Variants in GRAMD1B observed in about 807,000 individuals in gnomAD.
The protein encoded by GRAMD1B is protein Aster-B.
GRAMD1B carries 37 observed loss-of-function variants against 99.7 expected under a neutral mutation model. The ratio of observed to expected loss-of-function variants is 0.37; its 90% CI spans 0.29 to 0.49. The LOEUF (loss-of-function observed/expected upper bound fraction) is 0.49. Among genes scored for constraint, GRAMD1B ranks in the 20% least tolerant of loss-of-function variants. The pLI, the probability that GRAMD1B is intolerant of heterozygous loss-of-function variation, is 0.98. For missense variants in GRAMD1B, 888 were observed against 1,009.2 expected (o/e 0.88, Z 1.63); for synonymous variants, 427 against 387.6 (o/e 1.10, Z -1.19).
At chr11:123,505,848 C>G (rs1194772308) in intron 2 of GRAMD1B, among the ~76,000 whole-genome samples, 1 of 152,164 alleles carries the variant, frequency 6.6e-6, no homozygotes, top group Admixed American at 6.5e-5. Context: ...CTTCCTTCTT[C>G]TTTCTTTCTC....
intron 2 of GRAMD1B, among the ~76,000 whole-genome samples, chr11:123,532,576 A>T (rs1158457644): frequency 6.6e-6 from 1 of 152,254 alleles, no homozygotes; most frequent in Non-Finnish European, 1.5e-5. Context: ...TGTAGAATGA[A>T]GGCCATTATC....
At chr11:123,416,797 A>G (rs1202906929) in intron 1 of GRAMD1B, among the ~76,000 whole-genome samples, 1 of 152,050 alleles carries the variant, frequency 6.6e-6, no homozygotes, top group East Asian at 1.9e-4. Flanking sequence ...CTTTTTTTTT[A>G]GCATGTGCTA....
intron 1 of GRAMD1B, among the ~76,000 whole-genome samples, chr11:123,445,818 C>CA (rs36123733): frequency 0.58 from 54,337 of 93,974 alleles, 14,933 homozygotes; most frequent in African/African-American, 0.6. Flanking sequence ...CACTTGTCTC[C>CA]AAAAAAAAAA....
chr11:123,605,452 A>C lies in GRAMD1B; in HGVS notation c.1297A>C (p.Thr433Pro), dbSNP rs1479518380. Residue 433 changes from threonine (T) to proline (P), a missense_variant, in exon 10 of 20, where the codon ACA (threonine) becomes CCA (proline). Physicochemically the swap from Thr to Pro is conservative, Grantham distance 38. Coordinates refer to ENST00000635736, the MANE Select transcript of GRAMD1B (RefSeq NM_001387025.1). The stretch of plus-strand genomic sequence containing the variant: ...CATCACCAACAGCACACTAACATCC[A>C]CAGGGAGCAGTGAGGCCCCCGTCTC... ...KSITNSTLTSTGSSEAPVSFD... is the reference protein window; with the variant it reads ...KSITNSTLTSPGSSEAPVSFD... 1 of 1,612,702 alleles carries C rather than the reference A, an allele frequency of 6.2e-7. No homozygotes were observed.
intron 1 of GRAMD1B, among the ~76,000 whole-genome samples, chr11:123,469,711 CTTTCTTTCTTTCTTTT>C (rs770735873): frequency 6.7e-6 from 1 of 148,204 alleles, no homozygotes. Context: ...TCTTTCTTTT[CTTTCTTTCTTTCTTTT>C]TTTCTTTCTT....
At chr11:123,448,205 T>C (rs114326304) in intron 1 of GRAMD1B, among the ~76,000 whole-genome samples, 1,607 of 152,144 alleles carry the variant, frequency 0.011, 20 homozygotes, top group African/African-American at 0.037. Flanking sequence ...TTTCCTCCTT[T>C]TACCCTTTCT....
intron 1 of GRAMD1B, among the ~76,000 whole-genome samples, chr11:123,465,397 A>G (rs1378745799): frequency 3.3e-5 from 5 of 152,188 alleles, no homozygotes; most frequent in African/African-American, 9.6e-5. Context: ...CTTGAATTCT[A>G]TCAATCCAGT....
intron 2 of GRAMD1B, among the ~76,000 whole-genome samples, chr11:123,558,211 T>C (rs946603278): frequency 1.6e-4 from 24 of 152,036 alleles, no homozygotes; most frequent in African/African-American, 5.8e-4. Context: ...CTAAAACTCC[T>C]GAGCTCAAGT....
At position 123,578,147 on chromosome 11, in the gene GRAMD1B, A is replaced by AG. The variant is rs541676583; in HGVS notation, c.663+576dup. ...CATGGATATGCCTAAAATAGGCCCCAGGGGGGCCTGGGCTAATTATGGTTC... is the reference window on the plus strand; with the variant it reads ...CATGGATATGCCTAAAATAGGCCCCAGGGGGGGCCTGGGCTAATTATGGTTC... On this transcript the variant is annotated intron_variant, in intron 3 of 19. Transcript: ENST00000635736. 9.2e-5 allele frequency among the ~76,000 whole-genome samples: 14 copies of AG among 152,116 alleles called. No individual in the cohort carries two copies. In the East Asian group the frequency reaches 2.7e-3, roughly 30 times the overall value.
chr11:123,528,681 A>G (rs980203074), intron 2 of GRAMD1B, among the ~76,000 whole-genome samples: 1 of 152,038 alleles, frequency 6.6e-6, no homozygotes, highest in Non-Finnish European at 1.5e-5. Flanking sequence ...ATGCCGTGCT[A>G]GACACCGGCT....
At chr11:123,620,276 C>A (rs1290983679) in intron 19 of GRAMD1B, among the ~76,000 whole-genome samples, 2 of 152,042 alleles carry the variant, frequency 1.3e-5, no homozygotes, top group African/African-American at 4.8e-5. Flanking sequence ...GAGTTTGAAA[C>A]CGGCCTGGCC....
At chr11:123,496,209 A>T (rs1260292457) in intron 2 of GRAMD1B, among the ~76,000 whole-genome samples, 1 of 152,042 alleles carries the variant, frequency 6.6e-6, no homozygotes, top group South Asian at 2.1e-4. Flanking sequence ...TTGTGCTTAA[A>T]GGTTACTTTC....
chr11:123,616,053 G>A (rs1479586912), intron 17 of GRAMD1B, among the ~76,000 whole-genome samples: 1 of 152,206 alleles, frequency 6.6e-6, no homozygotes, highest in Non-Finnish European at 1.5e-5. Flanking sequence ...GCTGGGCGCG[G>A]TGGCTCACAC....
intron 2 of GRAMD1B, among the ~76,000 whole-genome samples, chr11:123,557,939 T>A (rs1469238875): frequency 6.6e-6 from 1 of 151,008 alleles, no homozygotes; most frequent in East Asian, 1.9e-4. Flanking sequence ...CCAACCCCTG[T>A]GTCTATGCCT....
intron 1 of GRAMD1B, among the ~76,000 whole-genome samples, chr11:123,457,029 T>C (rs1210291923): frequency 6.7e-6 from 1 of 150,270 alleles, no homozygotes; most frequent in Admixed American, 6.7e-5. Flanking sequence ...GGAGGATTGC[T>C]TAAGCCCAGG....
chr11:123,484,434 ACTC>A (rs1951775646), intron 2 of GRAMD1B, among the ~76,000 whole-genome samples: 2 of 151,842 alleles, frequency 1.3e-5, no homozygotes, highest in South Asian at 4.2e-4. Flanking sequence ...CTAACCACTC[ACTC>A]CTCCAACCAC....
chr11:123,395,467 C>G (rs1337408563), intron 1 of GRAMD1B, among the ~76,000 whole-genome samples: 1 of 152,098 alleles, frequency 6.6e-6, no homozygotes, highest in African/African-American at 2.4e-5. Context: ...TTAACAACAA[C>G]AACAACAACA....
chr11:123,588,441 A>G (rs1365043958), intron 4 of GRAMD1B, among the ~76,000 whole-genome samples: 1 of 152,076 alleles, frequency 6.6e-6, no homozygotes, highest in Non-Finnish European at 1.5e-5. Flanking sequence ...TCCTGTCTCT[A>G]TCTCACCCCT....
At chr11:123,575,562 G>C (rs904458100) in intron 2 of GRAMD1B, among the ~76,000 whole-genome samples, 2 of 152,124 alleles carry the variant, frequency 1.3e-5, no homozygotes, top group African/African-American at 2.4e-5. Context: ...CATAATCCTA[G>C]AAGACAGTTT....
Sources: gnomAD v4.1 joint callset for allele counts (sites outside exome capture counted in the v4.1 genomes callset) on GRCh38, gnomAD v4.1.1 for gene constraint, MANE v1.5 for transcripts, NCBI Gene and HGNC (gene_info 2026-07-23, HGNC 2026-07-21) for gene names.